The following CSMD3 variants were observed in gnomAD, a reference collection of about 807,000 sequenced individuals.
The protein encoded by CSMD3 is CUB and sushi domain-containing protein 3.
Under a neutral mutation model 435.2 loss-of-function variants are expected in CSMD3, and 177 were observed. The observed-to-expected ratio is 0.41, with a 90% CI of 0.36 to 0.46. The LOEUF (loss-of-function observed/expected upper bound fraction) is 0.46. Among genes scored for constraint, CSMD3 ranks in the 20% least tolerant of loss-of-function variants. CSMD3 has a pLI of 0.34. For synonymous variants in CSMD3, 1,656 were observed against 1,520.5 expected (o/e 1.09, Z -2.07); for missense variants, 4,265 against 4,504.6 (o/e 0.95, Z 1.52).
At chr8:112,537,840 A>G (rs1358725043) in intron 27 of CSMD3, among the ~76,000 whole-genome samples, 1 of 152,100 alleles carries the variant, frequency 6.6e-6, no homozygotes, top group African/African-American at 2.4e-5. Context: ...CACTATTTCA[A>G]AAAACTGAAA....
chr8:113,118,617 G>T (rs2090903311), intron 4 of CSMD3, among the ~76,000 whole-genome samples: 2 of 152,106 alleles, frequency 1.3e-5, no homozygotes, highest in African/African-American at 4.8e-5. Context: ...ATCTAGGATT[G>T]TGCCACTGCA....
At chr8:112,538,520 A>G (rs1826349752) in intron 27 of CSMD3, among the ~76,000 whole-genome samples, 1 of 152,158 alleles carries the variant, frequency 6.6e-6, no homozygotes, top group Non-Finnish European at 1.5e-5. Context: ...TACAAAATCA[A>G]CATACAAAAC....
At chr8:112,881,964 C>T (rs763997101) in intron 10 of CSMD3, among the ~76,000 whole-genome samples, 4 of 151,740 alleles carry the variant, frequency 2.6e-5, no homozygotes, top group Non-Finnish European at 5.9e-5. Context: ...TACAGAATGT[C>T]AACTGTCAAG....
At chr8:112,971,550 A>G (rs2084659109) in intron 7 of CSMD3, among the ~76,000 whole-genome samples, 2 of 152,182 alleles carry the variant, frequency 1.3e-5, no homozygotes, top group African/African-American at 2.4e-5. Flanking sequence ...ATATTTTGAT[A>G]CTACAAAAAC....
intron 45 of CSMD3, among the ~76,000 whole-genome samples, chr8:112,333,775 G>A (rs1018314661): frequency 6.6e-6 from 1 of 151,502 alleles, no homozygotes; most frequent in African/African-American, 2.4e-5. Flanking sequence ...TTCCTATAGG[G>A]TTATCTTGTG....
chr8:113,367,230 T>C (rs565807320), intron 1 of CSMD3, among the ~76,000 whole-genome samples: 25 of 149,006 alleles, frequency 1.7e-4, no homozygotes, highest in African/African-American at 6.2e-4. Context: ...AACAGGACAT[T>C]ATCCATGTTT....
chr8:112,979,871 T>C (rs2084985401), intron 6 of CSMD3, among the ~76,000 whole-genome samples: 1 of 151,100 alleles, frequency 6.6e-6, no homozygotes, highest in Admixed American at 6.6e-5. Context: ...ATCTGAAATA[T>C]AATTTTAATA....
chr8:112,659,371 T>C (rs1314351664), intron 17 of CSMD3, among the ~76,000 whole-genome samples: 1 of 152,234 alleles, frequency 6.6e-6, no homozygotes, highest in African/African-American at 2.4e-5. Context: ...AAATTTATTG[T>C]ATATGCTAAA....
intron 5 of CSMD3, among the ~76,000 whole-genome samples, chr8:113,071,584 G>A (rs1013586007): frequency 2.0e-5 from 3 of 151,714 alleles, no homozygotes; most frequent in African/African-American, 7.3e-5. Flanking sequence ...TTTCCCCATT[G>A]TGTGTTCTTG....
At chr8:112,350,117 G>C (rs1474676229) in intron 40 of CSMD3, among the ~76,000 whole-genome samples, 1 of 151,988 alleles carries the variant, frequency 6.6e-6, no homozygotes, top group Non-Finnish European at 1.5e-5. Flanking sequence ...CAATCTGCTA[G>C]CACCTTGTTT....
At chr8:112,518,902 T>C (rs1034412851) in intron 27 of CSMD3, among the ~76,000 whole-genome samples, 3 of 151,916 alleles carry the variant, frequency 2.0e-5, no homozygotes, top group Admixed American at 6.6e-5. Flanking sequence ...CATCTTACCA[T>C]GGCAGAGAAG....
intron 5 of CSMD3, among the ~76,000 whole-genome samples, chr8:113,073,845 G>A (rs1287031597): frequency 6.6e-6 from 1 of 151,554 alleles, no homozygotes; most frequent in South Asian, 2.1e-4. Flanking sequence ...CCCCAGTCTT[G>A]TCATCCTAAT....
chr8:113,213,446 A>G (rs1176953971), intron 3 of CSMD3, among the ~76,000 whole-genome samples: 1 of 152,042 alleles, frequency 6.6e-6, no homozygotes, highest in Non-Finnish European at 1.5e-5. Context: ...TAACACTGTT[A>G]CCTTTGCCAC....
intron 22 of CSMD3, among the ~76,000 whole-genome samples, chr8:112,633,689 G>T (rs1472479568): frequency 6.6e-6 from 1 of 151,876 alleles, no homozygotes; most frequent in East Asian, 1.9e-4. Flanking sequence ...TCTACCAAAA[G>T]AAATGAAGAT....
intron 11 of CSMD3, among the ~76,000 whole-genome samples, chr8:112,850,219 A>G (rs2129707915): frequency 6.6e-6 from 1 of 152,306 alleles, no homozygotes; most frequent in South Asian, 2.1e-4. Flanking sequence ...TTCAGTAAGA[A>G]ATGGAGTGAC....
chr8:112,274,129 A>G (rs1817798261), intron 59 of CSMD3, among the ~76,000 whole-genome samples: 1 of 152,068 alleles, frequency 6.6e-6, no homozygotes, highest in African/African-American at 2.4e-5. Flanking sequence ...TTTTCTAAGT[A>G]AGTAAGAGGA....
intron 9 of CSMD3, among the ~76,000 whole-genome samples, chr8:112,925,221 T>C (rs948735835): frequency 1.3e-5 from 2 of 151,740 alleles, no homozygotes; most frequent in Admixed American, 6.6e-5. Flanking sequence ...CTCATTTTCC[T>C]CATTTAGCTT....
chr8:112,656,179 A>G lies in CSMD3; in HGVS notation c.2979T>C (p.Asn993=). 1 of 1,571,896 alleles carries G rather than the reference A, an allele frequency of 6.4e-7. No homozygotes were observed. Among genetic ancestry groups the G allele is most frequent in the South Asian group, 1.1e-5 (1 of 89,920 alleles). ...LLFTTDNSRS[N]NGFKIHYESV... ...TTTCATAATGAATCTTGAAACCATTATTGGAACGACTGTTGTCTGTTGTAA... is the reference window on the plus strand; with the variant it reads ...TTTCATAATGAATCTTGAAACCATTGTTGGAACGACTGTTGTCTGTTGTAA... The change falls in exon 18 of 71, where the codon AAT becomes AAC. Residue 993 remains asparagine (N), a synonymous_variant. Coordinates refer to ENST00000297405, the MANE Select transcript of CSMD3 (RefSeq NM_198123.2).
chr8:113,179,171 G>A (rs1349612747), intron 3 of CSMD3, among the ~76,000 whole-genome samples: 1 of 151,626 alleles, frequency 6.6e-6, no homozygotes, highest in Non-Finnish European at 1.5e-5. Context: ...ATTTTAATAT[G>A]AGAATACCAA....
Sources: allele counts gnomAD v4.1 joint callset (sites outside exome capture counted in the v4.1 genomes callset), GRCh38; gene constraint gnomAD v4.1.1; transcripts MANE v1.5; gene names NCBI Gene and HGNC (gene_info 2026-07-23, HGNC 2026-07-21).